The following CHST9 variants were observed in gnomAD, a reference collection of about 807,000 sequenced individuals.
The protein encoded by CHST9 is GalNAc-4-sulfotransferase 2.
In CHST9, 41 loss-of-function variants were observed where a neutral mutation model predicts 44.4. That is an observed-to-expected ratio of 0.92 (90% CI 0.72 to 1.20). The LOEUF (loss-of-function observed/expected upper bound fraction) is 1.20, where lower values mean the gene tolerates loss of function less well. CHST9 is among the 50% of genes most tolerant of loss of function. The pLI is 0.00. For synonymous variants in CHST9, 171 were observed against 178.4 expected (o/e 0.96, Z 0.33); for missense variants, 504 against 516.5 (o/e 0.98, Z 0.23).
At chr18:27,075,079 C>T (rs1220815626) in intron 2 of CHST9, among the ~76,000 whole-genome samples, 1 of 150,860 alleles carries the variant, frequency 6.6e-6, no homozygotes, top group South Asian at 2.1e-4. Context: ...ATGAAACACT[C>T]CTAAATTGGT....
At chr18:27,048,622 T>G in intron 2 of CHST9, 119 bp from the exon 3 acceptor site, 1 of 753,138 alleles carries the variant, frequency 1.3e-6, no homozygotes, top group Non-Finnish European at 2.2e-6. Flanking sequence ...CCATGTCCAG[T>G]GTGCTCCTAG....
At chr18:27,093,857 T>C (rs1361303600) in intron 2 of CHST9, among the ~76,000 whole-genome samples, 1 of 148,470 alleles carries the variant, frequency 6.7e-6, no homozygotes, top group Non-Finnish European at 1.5e-5. Context: ...ACCATAGCTG[T>C]TCCTCTTCAG....
intron 1 of CHST9, among the ~76,000 whole-genome samples, chr18:27,166,695 C>T (rs2058793221): frequency 6.6e-6 from 1 of 152,188 alleles, no homozygotes. Flanking sequence ...TGCTTTTTAA[C>T]TATTTTTCAT....
chr18:27,011,658 C>A (rs188985315), intron 4 of CHST9, among the ~76,000 whole-genome samples: 26 of 152,266 alleles, frequency 1.7e-4, no homozygotes, highest in African/African-American at 6.3e-4. Flanking sequence ...GTTCAGGGAG[C>A]CTTTGAACTT....
At chr18:27,137,198 T>G (rs1446571155) in intron 2 of CHST9, among the ~76,000 whole-genome samples, 1 of 151,416 alleles carries the variant, frequency 6.6e-6, no homozygotes, top group South Asian at 2.1e-4. Context: ...GATTTATACA[T>G]ATAATGAATA....
intron 4 of CHST9, among the ~76,000 whole-genome samples, chr18:26,956,843 T>C (rs1438227796): frequency 6.6e-6 from 1 of 152,242 alleles, no homozygotes; most frequent in Non-Finnish European, 1.5e-5. Flanking sequence ...TGGATCAACA[T>C]TATTTTGCTC....
chr18:27,144,570 C>T (rs778801169), intron 1 of CHST9, among the ~76,000 whole-genome samples: 2 of 152,010 alleles, frequency 1.3e-5, no homozygotes, highest in African/African-American at 4.8e-5. Context: ...GGCCTCTAGT[C>T]CCAGATACTG....
intron 2 of CHST9, among the ~76,000 whole-genome samples, chr18:27,138,037 T>C (rs1407198883): frequency 6.6e-6 from 1 of 152,148 alleles, no homozygotes; most frequent in Non-Finnish European, 1.5e-5. Context: ...CTAGCACTTC[T>C]ATCTGGTCAG....
intron 5 of CHST9, among the ~76,000 whole-genome samples, chr18:26,939,061 A>T (rs2056043138): frequency 6.6e-6 from 1 of 152,218 alleles, no homozygotes; most frequent in Admixed American, 6.5e-5. Flanking sequence ...TGGACATGGA[A>T]ATGAACCAAA....
intron 2 of CHST9, among the ~76,000 whole-genome samples, chr18:27,066,670 T>C (rs564035412): frequency 6.6e-6 from 1 of 152,326 alleles, no homozygotes; most frequent in Admixed American, 6.5e-5. Context: ...CTACATTAAT[T>C]ATTTAATTAA....
At chr18:26,942,677 A>G (rs1449500900) in intron 5 of CHST9, among the ~76,000 whole-genome samples, 1 of 152,240 alleles carries the variant, frequency 6.6e-6, no homozygotes, top group Non-Finnish European at 1.5e-5. Flanking sequence ...ATTTATAAGG[A>G]AAACAGGGCT....
At chr18:27,048,415 TG>T in intron 3 of CHST9, 49 bp downstream of exon 3, 1 of 1,467,564 alleles carries the variant, frequency 6.8e-7, no homozygotes, top group Non-Finnish European at 9.4e-7. Context: ...AATTTAAAGG[TG>T]GAAATAAAAT....
chr18:27,156,776 G>T (rs2058701213), intron 1 of CHST9, among the ~76,000 whole-genome samples: 1 of 152,018 alleles, frequency 6.6e-6, no homozygotes, highest in Non-Finnish European at 1.5e-5. Flanking sequence ...GATCAAGCTG[G>T]TTTTGAAATA....
chr18:27,098,190 A>C (rs1282059859), intron 2 of CHST9, among the ~76,000 whole-genome samples: 6 of 152,096 alleles, frequency 3.9e-5, no homozygotes, highest in Non-Finnish European at 8.8e-5. Flanking sequence ...TATGTGGCGA[A>C]AAAACATTAA....
chr18:26,962,293 CT>C (rs71171604), intron 4 of CHST9, among the ~76,000 whole-genome samples: 2,505 of 140,666 alleles, frequency 0.018, 67 homozygotes, highest in African/African-American at 0.06. Context: ...TTATAGTCTC[CT>C]TTTTTTTTTT....
At chr18:26,926,770 A>G (rs1454620996) in intron 5 of CHST9, among the ~76,000 whole-genome samples, 2 of 152,248 alleles carry the variant, frequency 1.3e-5, no homozygotes, top group Non-Finnish European at 2.9e-5. Flanking sequence ...TTGATAAATG[A>G]AATACATTCA....
chr18:27,070,236 C>T (rs143223129), intron 2 of CHST9, among the ~76,000 whole-genome samples: 53 of 152,254 alleles, frequency 3.5e-4, no homozygotes, highest in African/African-American at 1.2e-3. Context: ...TAATATAATG[C>T]ACTGGGCTTG....
At chr18:26,937,614 T>C (rs1475246609) in intron 5 of CHST9, among the ~76,000 whole-genome samples, 1 of 152,192 alleles carries the variant, frequency 6.6e-6, no homozygotes, top group Admixed American at 6.5e-5. Context: ...ACACTGTAGA[T>C]AGCATTGGAT....
rs188880015 is a variant in CHST9, at chr18:26,953,555, G to A, written c.203-9189C>T. ...AGTGATGGGTTGGGGCCTAGACTAG[G>A]GAGGTAGAAATGAGAAGGAAAATGA... On this transcript the variant is annotated intron_variant, in intron 4 of 5. Coordinates refer to ENST00000618847, the MANE Select transcript of CHST9 (RefSeq NM_031422.6). Among the ~76,000 whole-genome samples, 58 of 152,218 alleles carry A rather than the reference G, an allele frequency of 3.8e-4. No homozygotes were observed. The East Asian group carries it at 5.4e-3, about 14-fold the overall frequency.
Sources: gnomAD v4.1 joint callset for allele counts (sites outside exome capture counted in the v4.1 genomes callset) on GRCh38, gnomAD v4.1.1 for gene constraint, MANE v1.5 for transcripts, NCBI Gene and HGNC (gene_info 2026-07-23, HGNC 2026-07-21) for gene names.